The following TTC39A variants were observed in gnomAD, a reference collection of about 807,000 sequenced individuals.
The protein encoded by TTC39A is tetratricopeptide repeat domain 39A, also known as tetratricopeptide repeat protein 39A.
In TTC39A, 46 loss-of-function variants were observed where a neutral mutation model predicts 82.3. The observed-to-expected ratio is 0.56, with a 90% CI of 0.44 to 0.71. The LOEUF (loss-of-function observed/expected upper bound fraction) is 0.71. Ranked by LOEUF, TTC39A falls within the 30% of genes least tolerant of loss-of-function variation. The probability of loss-of-function intolerance (pLI) is 0.00; values close to 1 mark genes in which losing one functional copy is unlikely to be tolerated. For synonymous variants in TTC39A, 254 were observed against 275.2 expected, an observed-to-expected ratio of 0.92 and a Z score of 0.76; for missense variants, 543 against 712.9, an observed-to-expected ratio of 0.76 and a Z score of 2.71.
At chr1:51,337,404 T>C (rs1429088941) in intron 1 of TTC39A, among the ~76,000 whole-genome samples, 1 of 151,830 alleles carries the variant, frequency 6.6e-6, no homozygotes, top group Non-Finnish European at 1.5e-5. Flanking sequence ...CCGTGAGGCC[T>C]TCCCTGACTA....
At position 51,340,204 on chromosome 1, in the gene TTC39A, A is replaced by G. The variant is rs79069011; in HGVS notation, c.53+4787T>C. ...TTTCATTATAGCAACCTGAATGGGAATGAATTAAGAAAGGTGATCTAGCAA... is the reference window on the plus strand; with the variant it reads ...TTTCATTATAGCAACCTGAATGGGAGTGAATTAAGAAAGGTGATCTAGCAA... On this transcript the variant is annotated intron_variant, in intron 1 of 5. Transcript: ENST00000401051. Among the ~76,000 whole-genome samples, 1,046 of 152,290 alleles carry G rather than the reference A, an allele frequency of 6.9e-3. 7 individuals are homozygous for G. The highest frequency in any genetic ancestry group is 0.024 in the African/African-American group (1,004 of 41,566).
At chr1:51,331,588 G>C, upstream of TTC39A, 1 of 985,406 alleles carries the variant, frequency 1.0e-6, no homozygotes, top group Non-Finnish European at 1.2e-6. Context: ...ACTTGTACCA[G>C]ATCCCAGGGG....
At chr1:51,299,426 G>C (rs61540511) in intron 12 of TTC39A, 1 of 152,376 alleles carries the variant, frequency 6.6e-6, no homozygotes, top group South Asian at 2.1e-4. Context: ...CCTGGCAGAG[G>C]GGGGCGCTGC....
intron 2 of TTC39A, among the ~76,000 whole-genome samples, chr1:51,314,957 T>C (rs1031221091): frequency 2.0e-5 from 3 of 152,200 alleles, no homozygotes; most frequent in Non-Finnish European, 4.4e-5. Context: ...GTCACTTCCC[T>C]GCATAAAGTC....
At chr1:51,310,302 G>A (rs904093040) in intron 5 of TTC39A, among the ~76,000 whole-genome samples, 10 of 152,176 alleles carry the variant, frequency 6.6e-5, no homozygotes, top group African/African-American at 2.4e-4. Flanking sequence ...TGATTCCCCT[G>A]TTGGGTACAT....
At position 51,288,141 on chromosome 1, in the gene TTC39A, G is replaced by C. The variant is rs1644057796; in HGVS notation, c.*16C>G. 6.2e-7 allele frequency: 1 copy of C among 1,613,902 alleles called. No homozygotes were observed. Among genetic ancestry groups the C allele is most frequent in the East Asian group, 2.2e-5 (1 of 44,876 alleles). ...CCAGCTGTCTCTGTCTTCCAGCCCG[G>C]AACTGCTGCACAAAGCTACAAGGAC... is the stretch of plus-strand genomic sequence containing the variant. On this transcript the variant is annotated 3_prime_UTR_variant, in exon 18 of 18. Transcript: ENST00000680483. The surrounding 1 kb of genome is among the most constrained non-coding windows in gnomAD (Gnocchi z 4.8).
In TTC39A at chr1:51,330,305, C is replaced by A. The variant is rs918537814; in HGVS notation, c.41+132G>T. ...GCGGCGGCGGCTGCCAGGGGCCGGG[C>A]GGGGTGGGGGCTGGAAGCCGCAGTG... is the stretch of plus-strand genomic sequence containing the variant. On this transcript the variant is annotated intron_variant, in intron 1 of 17. Coordinates refer to ENST00000680483, the MANE Select transcript of TTC39A (RefSeq NM_001297663.2). The surrounding 1 kb of genome is among the most constrained non-coding windows in gnomAD (Gnocchi z 4.5). The A allele has an allele frequency of 2.2e-6, 2 of 927,696 alleles. No homozygotes were observed. The highest frequency in any genetic ancestry group is 1.8e-5 in the African/African-American group (1 of 55,816). 57.5% of individuals were successfully genotyped at this position (927,696 alleles called of 1,614,324 possible).
intron 1 of TTC39A, among the ~76,000 whole-genome samples, chr1:51,323,541 C>T (rs547636138): frequency 1.3e-5 from 2 of 152,300 alleles, no homozygotes; most frequent in South Asian, 4.1e-4. Context: ...CTCTGTTAGA[C>T]CTTTTTATTC....
intron 1 of TTC39A, among the ~76,000 whole-genome samples, chr1:51,336,442 T>A (rs1291122075): frequency 6.6e-6 from 1 of 152,130 alleles, no homozygotes; most frequent in Non-Finnish European, 1.5e-5. Context: ...AGGGTCTCTG[T>A]TCTAGGATCT....
At position 51,302,109 on chromosome 1, in the gene TTC39A, T is replaced by C. The variant is rs566996222; in HGVS notation, c.891+248A>G. ...AGCACCTCCCTCCACCTCCCTCCAC[T>C]GCAATGCTGCAGTCCTATATCTCCC... On this transcript the variant is annotated intron_variant, in intron 11 of 17. Transcript: ENST00000680483. The C allele has an allele frequency of 1.3e-4, 95 of 720,964 alleles. 1 individual carries two copies. In the East Asian group the frequency reaches 2.5e-3, roughly 19 times the overall value. The allele number at this position is 720,964 out of a possible 1,614,324, so 44.7% of individuals were successfully genotyped here.
intron 1 of TTC39A, among the ~76,000 whole-genome samples, chr1:51,323,557 T>A (rs1380145635): frequency 6.6e-6 from 1 of 152,220 alleles, no homozygotes; most frequent in Admixed American, 6.5e-5. Flanking sequence ...TATTCCATAT[T>A]TCATGTCTCT....
rs1644148582 is a variant in TTC39A, at chr1:51,290,136, G to A, written c.1379-17C>T. 6.2e-7 allele frequency: 1 copy of A among 1,605,616 alleles called. No homozygotes were observed. The highest frequency in any genetic ancestry group is 1.1e-5 in the South Asian group (1 of 90,094). ...ACTCGTTCTCTGAAAATAGGGATGT[G>A]AGGGAAAAAGACAGACTTGTTCATT... On this transcript the variant is annotated splice_polypyrimidine_tract_variant and intron_variant, in intron 15 of 17. Transcript: ENST00000680483.
At position 51,301,727 on chromosome 1, in the gene TTC39A, G is replaced by C; in HGVS notation, c.898C>G (p.Arg300Gly). The change falls in exon 12 of 18, where the codon CGG (arginine) becomes GGG (glycine). Residue 300 changes from arginine to glycine, a missense_variant. Physicochemically the swap from Arg to Gly is moderately radical, Grantham distance 125. Transcript: ENST00000680483. ...GCCTCACAGCACTCCTCGAAACGCC[G>C]GATGGCCTGCAGGCACCTTCTGGTC... is the stretch of plus-strand genomic sequence containing the variant. ...VIKGNIDAAI[R>G]RFEECCEAQQ... The C allele has an allele frequency of 6.2e-7, 1 of 1,604,276 alleles. No homozygotes were observed. The highest frequency in any genetic ancestry group is 2.2e-5 in the East Asian group (1 of 44,574).
intron 13 of TTC39A, 84 bp downstream of exon 13, chr1:51,295,993 CAG>C: frequency 6.8e-7 from 1 of 1,462,162 alleles, no homozygotes; most frequent in Non-Finnish European, 9.4e-7. Flanking sequence ...CCAGTGCCCA[CAG>C]CTCAGGGTGG....
chr1:51,333,742 AGT>A (rs980315675), upstream of TTC39A, among the ~76,000 whole-genome samples: 1 of 152,076 alleles, frequency 6.6e-6, no homozygotes, highest in African/African-American at 2.4e-5. Flanking sequence ...GGGAGCAGAG[AGT>A]GAGGTTTGTA....
In TTC39A at chr1:51,290,085, C is replaced by T. The variant is rs776297151; in HGVS notation, c.1413G>A (p.Val471=). The part of the protein sequence containing the change: ...NEYSVDDECL[V]KLLKGLCLKY... ...TCAGACACAGGCCTTTCAACAATTT[C>T]ACCAAGCACTCGTCATCCACTGAGT... Residue 471 remains valine (V), a synonymous_variant, in exon 16 of 18, where the codon GTG becomes GTA. Coordinates refer to ENST00000680483, the MANE Select transcript of TTC39A (RefSeq NM_001297663.2). 1.1e-5 allele frequency: 17 copies of T among 1,613,866 alleles called. No homozygotes were observed. Among genetic ancestry groups the T allele is most frequent in the Non-Finnish European group, 1.4e-5 (17 of 1,179,896 alleles).
chr1:51,302,038 C>A, intron 11 of TTC39A: 3 of 699,406 alleles, frequency 4.3e-6, no homozygotes, highest in South Asian at 3.0e-5. Context: ...CCAGCCTAAT[C>A]GTCATGCCCT....
chr1:51,301,984 T>C, intron 11 of TTC39A: 1 of 648,962 alleles, frequency 1.5e-6, no homozygotes, highest in African/African-American at 1.8e-5. Flanking sequence ...AGTAACAAAA[T>C]GAAAGAGCAG....
upstream of TTC39A, among the ~76,000 whole-genome samples, chr1:51,330,720 C>A (rs1318614779): frequency 6.6e-6 from 1 of 152,006 alleles, no homozygotes; most frequent in Admixed American, 6.5e-5. The surrounding 1 kb of genome is among the most constrained non-coding windows in gnomAD (Gnocchi z 4.5). Context: ...GGCCCCCACC[C>A]CCGCTCCGAC....
Sources: gnomAD v4.1 joint callset for allele counts (sites outside exome capture counted in the v4.1 genomes callset) on GRCh38, gnomAD v4.1.1 for gene constraint, Gnocchi (gnomAD v3.1) non-coding constraint, MANE v1.5 for transcripts, NCBI Gene and HGNC (gene_info 2026-07-23, HGNC 2026-07-21) for gene names.